GALNT17: variants seen among roughly 807,000 people sequenced by gnomAD.
The protein encoded by GALNT17 is UDP-GalNAc:polypeptide N-acetylgalactosaminyltransferase-like 3.
In GALNT17, 29 loss-of-function variants were observed where a neutral mutation model predicts 63.7. The ratio of observed to expected loss-of-function variants is 0.46; its 90% confidence interval spans 0.34 to 0.62. GALNT17 has a LOEUF of 0.62. Among genes scored for constraint, GALNT17 ranks in the 20% least tolerant of loss-of-function variants. The probability of loss-of-function intolerance (pLI) is 0.01; values close to 1 mark genes in which losing one functional copy is unlikely to be tolerated. For synonymous variants in GALNT17, 305 were observed against 318.3 expected, an observed-to-expected ratio of 0.96 and a Z score of 0.45; for missense variants, 603 against 799.6, an observed-to-expected ratio of 0.75 and a Z score of 2.97.
At chr7:71,267,367 G>GTTTTTTTTTTTTTTTTTTTTTT (rs11297482) in intron 1 of GALNT17, among the ~76,000 whole-genome samples, 2 of 146,348 alleles carry the variant, frequency 1.4e-5, no homozygotes. Flanking sequence ...GGATTTTCTA[G>GTTTTTTTTTTTTTTTTTTTTTT]TTTTTTTTTT....
At chr7:71,208,080 C>T (rs939697093) in intron 1 of GALNT17, among the ~76,000 whole-genome samples, 1 of 151,950 alleles carries the variant, frequency 6.6e-6, no homozygotes, top group African/African-American at 2.4e-5. Flanking sequence ...GGGCTACAGT[C>T]ATGCCACAAC....
chr7:71,632,649 A>C (rs1790468713), intron 6 of GALNT17, among the ~76,000 whole-genome samples: 1 of 152,168 alleles, frequency 6.6e-6, no homozygotes, highest in African/African-American at 2.4e-5. Flanking sequence ...TACAACCAGA[A>C]TGTAGCAAGT....
rs1266222684 is a variant in GALNT17, at chr7:71,677,199, C to T, written c.1405-12C>T. On this transcript the variant is annotated splice_polypyrimidine_tract_variant and intron_variant, in intron 8 of 10. Transcript: ENST00000333538. The stretch of plus-strand genomic sequence containing the variant: ...TGAGCTCTCATGGGTCGTGTTTTGT[C>T]TATTCTTGCAGCTTCGCAACAACAA... 1 of 1,613,706 alleles carries T rather than the reference C, an allele frequency of 6.2e-7. No homozygotes were observed. The highest frequency in any genetic ancestry group is 8.5e-7 in the Non-Finnish European group (1 of 1,179,750).
intron 5 of GALNT17, among the ~76,000 whole-genome samples, chr7:71,569,975 A>G (rs572117237): frequency 2.6e-5 from 4 of 152,090 alleles, no homozygotes; most frequent in African/African-American, 9.6e-5. Context: ...CACAGGGTCT[A>G]AACTATTTTA....
intron 5 of GALNT17, among the ~76,000 whole-genome samples, chr7:71,536,862 G>A (rs1209134092): frequency 6.6e-6 from 1 of 152,210 alleles, no homozygotes; most frequent in Non-Finnish European, 1.5e-5. Context: ...GAACTTGGAA[G>A]ATCAAGATTC....
intron 5 of GALNT17, among the ~76,000 whole-genome samples, chr7:71,443,250 C>G (rs1450273844): frequency 6.6e-6 from 1 of 152,160 alleles, no homozygotes; most frequent in African/African-American, 2.4e-5. Flanking sequence ...CATTCCTTCT[C>G]TAGGATGGCT....
intron 5 of GALNT17, among the ~76,000 whole-genome samples, chr7:71,456,914 G>A (rs905458069): frequency 1.3e-5 from 2 of 152,138 alleles, no homozygotes; most frequent in Non-Finnish European, 2.9e-5. Flanking sequence ...GACAGACATT[G>A]GTTCTGTCCA....
intron 1 of GALNT17, among the ~76,000 whole-genome samples, chr7:71,304,463 G>A (rs879848795): frequency 2.0e-5 from 3 of 152,118 alleles, no homozygotes; most frequent in Non-Finnish European, 4.4e-5. Context: ...CAAGGAATAA[G>A]CCACTGAAAA....
chr7:71,184,746 C>T (rs1302947807), intron 1 of GALNT17, among the ~76,000 whole-genome samples: 1 of 152,138 alleles, frequency 6.6e-6, no homozygotes, highest in Non-Finnish European at 1.5e-5. Flanking sequence ...CCTGTGTAAC[C>T]ATACCTGCAA....
chr7:71,418,009 A>T (rs565064490), intron 4 of GALNT17, among the ~76,000 whole-genome samples: 22 of 152,176 alleles, frequency 1.4e-4, no homozygotes, highest in Non-Finnish European at 2.6e-4. Flanking sequence ...CTTTTGGCAG[A>T]TACTTGCTAG....
intron 2 of GALNT17, among the ~76,000 whole-genome samples, chr7:71,343,059 C>CAG (rs1792033195): frequency 6.6e-6 from 1 of 152,148 alleles, no homozygotes; most frequent in Non-Finnish European, 1.5e-5. Context: ...AGGCAGTAAC[C>CAG]AGAGAGACTG....
intron 1 of GALNT17, among the ~76,000 whole-genome samples, chr7:71,282,220 G>A (rs754275807): frequency 1.1e-4 from 16 of 152,194 alleles, no homozygotes; most frequent in Non-Finnish European, 2.1e-4. Flanking sequence ...TCCTAATGAC[G>A]ACTGGCAGGT....
chr7:71,658,082 T>G (rs985450852), intron 6 of GALNT17, among the ~76,000 whole-genome samples: 1 of 152,160 alleles, frequency 6.6e-6, no homozygotes, highest in Admixed American at 6.5e-5. Flanking sequence ...TTATTTAATT[T>G]TCTTTTGTAG....
At chr7:71,280,185 CA>C (rs1790755148) in intron 1 of GALNT17, among the ~76,000 whole-genome samples, 1 of 152,046 alleles carries the variant, frequency 6.6e-6, no homozygotes, top group Non-Finnish European at 1.5e-5. Flanking sequence ...GACAGGGGAC[CA>C]GAGTCCAGGA....
At chr7:71,397,034 A>G (rs973927925) in intron 3 of GALNT17, among the ~76,000 whole-genome samples, 5 of 152,130 alleles carry the variant, frequency 3.3e-5, no homozygotes, top group African/African-American at 9.7e-5. Context: ...AGAGCTTTCT[A>G]TATAGAATAT....
chr7:71,297,658 T>C (rs1306456957), intron 1 of GALNT17, among the ~76,000 whole-genome samples: 2 of 152,272 alleles, frequency 1.3e-5, no homozygotes, highest in East Asian at 3.9e-4. Flanking sequence ...GCCTTTCTCA[T>C]AATAGCTCCA....
intron 5 of GALNT17, among the ~76,000 whole-genome samples, chr7:71,520,570 A>T (rs1171592751): frequency 6.6e-6 from 1 of 152,062 alleles, no homozygotes; most frequent in African/African-American, 2.4e-5. Flanking sequence ...CTGGGCAGAG[A>T]GACCAGCATG....
chr7:71,424,141 A>C (rs1048871376), intron 5 of GALNT17, among the ~76,000 whole-genome samples: 5 of 152,198 alleles, frequency 3.3e-5, no homozygotes, highest in African/African-American at 1.2e-4. Context: ...CTATCTGCAA[A>C]TAATATTAAT....
At chr7:71,623,930 A>G (rs1264121404) in intron 6 of GALNT17, among the ~76,000 whole-genome samples, 2 of 152,192 alleles carry the variant, frequency 1.3e-5, no homozygotes, top group Non-Finnish European at 2.9e-5. Context: ...CAAAACATGG[A>G]TCTATAGTGG....
Sources: allele counts gnomAD v4.1 joint callset (sites outside exome capture counted in the v4.1 genomes callset), GRCh38; gene constraint gnomAD v4.1.1; transcripts MANE v1.5; gene names NCBI Gene and HGNC (gene_info 2026-07-23, HGNC 2026-07-21).